WDR70: variants seen among roughly 807,000 people sequenced by gnomAD.
WDR70 encodes WD repeat domain 70, also known as WD repeat-containing protein 70.
A neutral mutation model predicts 88.6 loss-of-function variants in WDR70; 53 were observed. The observed-to-expected ratio is 0.60, with a 90% confidence interval of 0.48 to 0.75. The LOEUF (loss-of-function observed/expected upper bound fraction) is 0.75. WDR70 is among the 30% of genes least tolerant of loss of function. WDR70 has a pLI of 0.00. For missense variants in WDR70, 610 were observed against 823.2 expected (o/e 0.74, Z 3.17); for synonymous variants, 280 against 270.0 (o/e 1.04, Z -0.36).
chr5:37,392,495 G>A (rs1005890052), intron 4 of WDR70, among the ~76,000 whole-genome samples: 5 of 151,584 alleles, frequency 3.3e-5, no homozygotes, highest in African/African-American at 9.7e-5. Context: ...GACTACAGAC[G>A]TGCACTACCA....
At chr5:37,533,993 G>T (rs575411997) in intron 9 of WDR70, among the ~76,000 whole-genome samples, 2 of 152,324 alleles carry the variant, frequency 1.3e-5, no homozygotes, top group Admixed American at 1.3e-4. Flanking sequence ...GGAGCCTGCA[G>T]TGGTGATCCA....
chr5:37,529,803 G>T (rs761017932), intron 9 of WDR70, among the ~76,000 whole-genome samples: 1 of 151,910 alleles, frequency 6.6e-6, no homozygotes, highest in Non-Finnish European at 1.5e-5. Flanking sequence ...TATCAATTTG[G>T]ATGCCTTGAT....
Position 37,721,227 on chromosome 5 carries a change from G to A in WDR70, c.1517+12G>A. On this transcript the variant is annotated intron_variant, in intron 14 of 17. Coordinates refer to ENST00000265107, the MANE Select transcript of WDR70 (RefSeq NM_018034.4). ...AACAAGAGTCAGAGGTATTTCATAA[G>A]TATTGCCTGTTTTAGATGGATGACA... is the stretch of plus-strand genomic sequence containing the variant. 1 of 1,611,334 alleles carries A rather than the reference G, an allele frequency of 6.2e-7. No homozygotes were observed. The highest frequency in any genetic ancestry group is 1.7e-5 in the Admixed American group (1 of 59,926).
intron 9 of WDR70, among the ~76,000 whole-genome samples, chr5:37,531,587 CTTT>C (rs149831770): frequency 0.046 from 3,593 of 77,368 alleles, 26 homozygotes; most frequent in African/African-American, 0.12. Flanking sequence ...TAAAGTTTTT[CTTT>C]TTTTTTTTTT....
intron 10 of WDR70, among the ~76,000 whole-genome samples, chr5:37,638,516 G>T (rs559775412): frequency 6.6e-6 from 1 of 152,288 alleles, no homozygotes; most frequent in Admixed American, 6.5e-5. Context: ...GCAGTACTTG[G>T]CAAGGTAGTA....
At chr5:37,560,968 A>G (rs1742486779) in intron 9 of WDR70, among the ~76,000 whole-genome samples, 1 of 152,042 alleles carries the variant, frequency 6.6e-6, no homozygotes, top group East Asian at 1.9e-4. Flanking sequence ...CAGACCACCA[A>G]GAAGCCAATC....
At chr5:37,437,833 A>T (rs1750518225) in intron 5 of WDR70, 89 bp from the exon 6 acceptor site, 1 of 1,296,348 alleles carries the variant, frequency 7.7e-7, no homozygotes, top group East Asian at 2.6e-5. Flanking sequence ...ATGCAATTTT[A>T]AAAAATTGTA....
intron 5 of WDR70, among the ~76,000 whole-genome samples, chr5:37,419,494 G>A (rs565037835): frequency 5.3e-5 from 8 of 150,878 alleles, no homozygotes; most frequent in East Asian, 2.0e-4. Flanking sequence ...GTGAGCCACC[G>A]CGCCCAGCTG....
At position 37,539,868 on chromosome 5, in the gene WDR70, TTA is replaced by T. The variant is rs370529104; in HGVS notation, c.917+23280_917+23281del. ...TCTAGAATTACGCCCCTTCACCAGA[TTA>T]TGTTTGTCCTGAAGTCCCAAAATTC... is the stretch of plus-strand genomic sequence containing the variant. On this transcript the variant is annotated intron_variant, in intron 9 of 17. Transcript: ENST00000265107. 2.2e-3 allele frequency among the ~76,000 whole-genome samples: 333 copies of T among 152,254 alleles called. 1 individual carries two copies. Among genetic ancestry groups the T allele is most frequent in the African/African-American group, 7.7e-3 (320 of 41,506 alleles).
chr5:37,479,794 T>C, intron 7 of WDR70, 40 bp from the exon 8 acceptor site: 1 of 1,568,168 alleles, frequency 6.4e-7, no homozygotes, highest in African/African-American at 1.4e-5. Flanking sequence ...ATAAACATTG[T>C]GCTTAGTATC....
chr5:37,721,012 C>A, intron 13 of WDR70, 103 bp from the exon 14 acceptor site: 1 of 932,744 alleles, frequency 1.1e-6, no homozygotes, highest in Non-Finnish European at 1.7e-6. Flanking sequence ...GGTAAACCAT[C>A]AGGATGATAT....
intron 6 of WDR70, among the ~76,000 whole-genome samples, chr5:37,439,963 C>G (rs1750603886): frequency 6.6e-6 from 1 of 152,234 alleles, no homozygotes; most frequent in East Asian, 1.9e-4. Flanking sequence ...TACACTCTTT[C>G]CTACATAATA....
At chr5:37,708,638 A>G (rs80241256) in intron 13 of WDR70, among the ~76,000 whole-genome samples, 4,716 of 152,280 alleles carry the variant, frequency 0.031, 89 homozygotes, top group Non-Finnish European at 0.04. Context: ...CCATGAAATA[A>G]TAGACCCTTT....
At chr5:37,425,676 C>T (rs1051037956) in intron 5 of WDR70, among the ~76,000 whole-genome samples, 4 of 151,790 alleles carry the variant, frequency 2.6e-5, no homozygotes, top group African/African-American at 7.3e-5. Flanking sequence ...TTCTTTTTTC[C>T]CCCTAAGCCT....
At chr5:37,725,275 A>G (rs765034045) in intron 16 of WDR70, among the ~76,000 whole-genome samples, 12 of 152,034 alleles carry the variant, frequency 7.9e-5, no homozygotes, top group Non-Finnish European at 1.8e-4. Context: ...AGGGAGGAAG[A>G]CTGGGGCCCT....
At chr5:37,462,594 A>G (rs541041572) in intron 7 of WDR70, among the ~76,000 whole-genome samples, 10 of 152,160 alleles carry the variant, frequency 6.6e-5, no homozygotes, top group Middle Eastern at 3.4e-3. Flanking sequence ...GAGCCACCGC[A>G]CCCGGCCCAA....
At chr5:37,401,776 A>T (rs528790503) in intron 5 of WDR70, among the ~76,000 whole-genome samples, 19 of 152,020 alleles carry the variant, frequency 1.2e-4, no homozygotes, top group African/African-American at 4.1e-4. Context: ...ATTTTTAAGG[A>T]TTTTTTTTAA....
intron 7 of WDR70, among the ~76,000 whole-genome samples, chr5:37,453,318 T>C (rs1738731375): frequency 6.6e-6 from 1 of 152,190 alleles, no homozygotes; most frequent in Non-Finnish European, 1.5e-5. Context: ...ACATATTTAT[T>C]AACAGCAAGC....
At chr5:37,607,014 C>T (rs1744050605) in intron 10 of WDR70, among the ~76,000 whole-genome samples, 1 of 149,784 alleles carries the variant, frequency 6.7e-6, no homozygotes, top group Non-Finnish European at 1.5e-5. Context: ...TCTCAGCTCA[C>T]TGCAACCTCT....
Sources: gnomAD v4.1 joint callset for allele counts (sites outside exome capture counted in the v4.1 genomes callset) on GRCh38, gnomAD v4.1.1 for gene constraint, MANE v1.5 for transcripts, NCBI Gene and HGNC (gene_info 2026-07-23, HGNC 2026-07-21) for gene names.